CHIC2: variants seen among roughly 807,000 people sequenced by gnomAD.
The protein encoded by CHIC2 is cysteine rich hydrophobic domain 2.
Under a neutral mutation model 25.9 loss-of-function variants are expected in CHIC2, and 14 were observed. The observed-to-expected ratio is 0.54, with a 90% CI of 0.36 to 0.85. The LOEUF is 0.85. CHIC2 is among the 40% of genes least tolerant of loss of function. The pLI is 0.01. For synonymous variants in CHIC2, 70 were observed against 72.0 expected (o/e 0.97, Z 0.14); for missense variants, 146 against 202.0 (o/e 0.72, Z 1.68).
rs373214146 is a variant in CHIC2 at position 54,049,233 on chromosome 4, C to T, written c.174+18G>A. On this transcript the variant is annotated intron_variant, in intron 2 of 5. Transcript: ENST00000263921. Reference sequence around the variant, plus strand: ...TTCATTTTGAGGCATACAAATAGTACATAAATGAGACACTCACTTTTCCAG... The same window carrying T: ...TTCATTTTGAGGCATACAAATAGTATATAAATGAGACACTCACTTTTCCAG... 4 of 1,596,470 alleles carry T rather than the reference C, an allele frequency of 2.5e-6. No homozygotes were observed. The highest frequency in any genetic ancestry group is 1.3e-5 in the African/African-American group (1 of 74,420).
chr4:54,065,925 C>T (rs1393773562), upstream of CHIC2, among the ~76,000 whole-genome samples: 1 of 152,186 alleles, frequency 6.6e-6, no homozygotes, highest in African/African-American at 2.4e-5. Flanking sequence ...TTGTATCAGA[C>T]TTATTGTATC....
In CHIC2 at chr4:54,009,907, CTG is replaced by C. The variant is rs1715524467; in HGVS notation, c.*186_*187del. On this transcript the variant is annotated 3_prime_UTR_variant, in exon 6 of 6. Coordinates refer to ENST00000263921, the MANE Select transcript of CHIC2 (RefSeq NM_012110.4). ...AGTATTAAACATCTGTATGAAATAA[CTG>C]TTGCAAAGATTGACAAAAATGCACA... 2 of 430,448 alleles carry C rather than the reference CTG, an allele frequency of 4.6e-6. No homozygotes were observed. Among genetic ancestry groups the C allele is most frequent in the Admixed American group, 4.1e-5 (1 of 24,222 alleles). 26.7% of individuals were successfully genotyped at this position (430,448 alleles called of 1,614,324 possible).
At chr4:54,071,729 C>T in the CHIC2 span, among the ~76,000 whole-genome samples, 12 of 152,340 alleles carry the variant, frequency 7.9e-5, no homozygotes, top group South Asian at 2.1e-4. Context: ...AATCCCAGCA[C>T]TTTGGGAGGC....
chr4:54,039,242 T>A (rs928744080), intron 3 of CHIC2, among the ~76,000 whole-genome samples: 6 of 152,046 alleles, frequency 3.9e-5, no homozygotes, highest in African/African-American at 1.2e-4. Flanking sequence ...GATGAATTCA[T>A]CAAAAGCAAA....
At chr4:54,025,435 C>G (rs770185496) in intron 3 of CHIC2, among the ~76,000 whole-genome samples, 1 of 152,182 alleles carries the variant, frequency 6.6e-6, no homozygotes, top group Admixed American at 6.5e-5. Flanking sequence ...ATCTCACCAC[C>G]CTTTGCTGAC....
At chr4:54,047,852 T>A (rs1397895776) in intron 3 of CHIC2, among the ~76,000 whole-genome samples, 1 of 151,906 alleles carries the variant, frequency 6.6e-6, no homozygotes, top group East Asian at 1.9e-4. Flanking sequence ...TTTTAAAAAA[T>A]AAAATTTATT....
rs141634121 is a variant in CHIC2, at chr4:54,024,222, T to A, written c.331-10103A>T. On this transcript the variant is annotated intron_variant, in intron 3 of 5. Transcript: ENST00000263921. ...AGGCCCATTCTATTCTGTCGTCATT[T>A]CATAACCTCTTCCATGTAGGTTACA... Among the ~76,000 whole-genome samples the A allele has an allele frequency of 2.9e-3, 449 of 152,282 alleles. 3 individuals carry two copies. Among genetic ancestry groups the A allele is most frequent in the African/African-American group, 0.01 (424 of 41,562 alleles).
the CHIC2 span, among the ~76,000 whole-genome samples, chr4:54,078,952 C>T: frequency 6.6e-6 from 1 of 151,620 alleles, no homozygotes; most frequent in South Asian, 2.1e-4. Context: ...TGCGGTGGCT[C>T]ATGGCTGTAA....
chr4:54,066,002 T>C (rs1717510460), upstream of CHIC2, among the ~76,000 whole-genome samples: 2 of 152,228 alleles, frequency 1.3e-5, no homozygotes, highest in Non-Finnish European at 2.9e-5. Flanking sequence ...GCAGGCACTG[T>C]GGACGTGTGT....
the CHIC2 span, among the ~76,000 whole-genome samples, chr4:54,080,944 A>ATG: frequency 3.5e-4 from 2 of 5,790 alleles, no homozygotes; most frequent in African/African-American, 2.9e-3. Context: ...GTGTGTGTGT[A>ATG]TATATATATA....
intron 3 of CHIC2, among the ~76,000 whole-genome samples, chr4:54,026,121 T>C (rs1384231839): frequency 2.0e-5 from 3 of 152,200 alleles, no homozygotes; most frequent in Non-Finnish European, 4.4e-5. Context: ...AATGTAAATC[T>C]ATACTAGGAA....
intron 3 of CHIC2, among the ~76,000 whole-genome samples, chr4:54,037,865 AT>A (rs1716442880): frequency 6.6e-6 from 1 of 152,162 alleles, no homozygotes; most frequent in South Asian, 2.1e-4. Context: ...AAAATACTAT[AT>A]AAAAATGTGT....
chr4:54,016,173 T>C (rs112749506), intron 3 of CHIC2, among the ~76,000 whole-genome samples: 471 of 152,256 alleles, frequency 3.1e-3, no homozygotes, highest in Non-Finnish European at 4.4e-3. Context: ...CCCACTGTTT[T>C]ATATTAATGT....
chr4:54,055,259 C>T lies in CHIC2; in HGVS notation c.120-5954G>A, dbSNP rs571569472. Among the ~76,000 whole-genome samples the T allele has an allele frequency of 2.6e-5, 4 of 152,132 alleles. No individual in the cohort carries two copies. In the South Asian group the frequency reaches 8.3e-4, roughly 32 times the overall value. ...GTGTAGCTGGGATTATAGGTACATG[C>T]CACCATAACTGACTTAAGAAATACA... is the stretch of plus-strand genomic sequence containing the variant. On this transcript the variant is annotated intron_variant, in intron 1 of 5. Transcript: ENST00000263921.
At chr4:54,053,341 G>A (rs1463450225) in intron 1 of CHIC2, among the ~76,000 whole-genome samples, 2 of 152,090 alleles carry the variant, frequency 1.3e-5, no homozygotes, top group Admixed American at 6.6e-5. Flanking sequence ...TGGATCACCT[G>A]AGGTCAGGAG....
intron 3 of CHIC2, among the ~76,000 whole-genome samples, chr4:54,027,664 T>A (rs1050077887): frequency 5.3e-5 from 8 of 152,166 alleles, no homozygotes; most frequent in African/African-American, 1.4e-4. Context: ...AACCACAAAT[T>A]AAATGCCTAG....
Position 54,064,311 on chromosome 4 carries a change from C to T in CHIC2, c.-11G>A, listed in dbSNP as rs1337472446. On this transcript the variant is annotated 5_prime_UTR_variant, in exon 1 of 6. Transcript: ENST00000263921. This position sits in a 1 kb window ranked among gnomAD's most constrained non-coding sequence, Gnocchi z 4.2. ...GTCGAAATCCGCCATCCTGAGCCTC[C>T]GAGCTCCCCTGCCCAAAGGGCCTGA... The T allele has an allele frequency of 1.2e-6, 2 of 1,613,138 alleles. No homozygotes were observed. Among genetic ancestry groups the T allele is most frequent in the South Asian group, 1.1e-5 (1 of 90,940 alleles).
intron 1 of CHIC2, chr4:54,060,394 G>C (rs1382951700): frequency 6.6e-6 from 1 of 151,972 alleles, no homozygotes; most frequent in Non-Finnish European, 1.5e-5. Context: ...ATGAAGACAC[G>C]GTAAAATTAC....
At chr4:54,028,662 T>G (rs918659817) in intron 3 of CHIC2, among the ~76,000 whole-genome samples, 1 of 152,234 alleles carries the variant, frequency 6.6e-6, no homozygotes, top group Non-Finnish European at 1.5e-5. Context: ...ACAATAATTA[T>G]CTTTCTCTTC....
Sources: gnomAD v4.1 joint callset for allele counts (sites outside exome capture counted in the v4.1 genomes callset) on GRCh38, gnomAD v4.1.1 for gene constraint, Gnocchi (gnomAD v3.1) non-coding constraint, MANE v1.5 for transcripts, NCBI Gene and HGNC (gene_info 2026-07-23, HGNC 2026-07-21) for gene names.